CNBD1: variants seen among roughly 807,000 people sequenced by gnomAD.
The protein encoded by CNBD1 is cyclic nucleotide binding domain containing 1.
CNBD1 carries 71 observed loss-of-function variants against 54.4 expected under a neutral mutation model. The observed-to-expected ratio is 1.30, with a 90% CI of 1.08 to 1.59. CNBD1 has a LOEUF of 1.59. Ranked by LOEUF, CNBD1 falls within the 40% of genes most tolerant of loss-of-function variation. The probability of loss-of-function intolerance (pLI) is 0.00; values close to 1 mark genes in which losing one functional copy is unlikely to be tolerated. For missense variants in CNBD1, 659 were observed against 518.0 expected, an observed-to-expected ratio of 1.27 and a Z score of -2.64; for synonymous variants, 182 against 170.7, an observed-to-expected ratio of 1.07 and a Z score of -0.51.
At chr8:87,135,932 CA>C (rs1283260559) in intron 4 of CNBD1, among the ~76,000 whole-genome samples, 1 of 151,970 alleles carries the variant, frequency 6.6e-6, no homozygotes, top group Non-Finnish European at 1.5e-5. Flanking sequence ...AATTAACTAA[CA>C]ATCAATCAAT....
chr8:87,281,098 TG>T (rs1808590120), intron 6 of CNBD1, among the ~76,000 whole-genome samples: 1 of 151,662 alleles, frequency 6.6e-6, no homozygotes, highest in African/African-American at 2.4e-5. Flanking sequence ...GATTATTACC[TG>T]CAGTTTTCGG....
At chr8:86,927,774 T>C (rs190992988) in intron 3 of CNBD1, among the ~76,000 whole-genome samples, 2 of 152,308 alleles carry the variant, frequency 1.3e-5, no homozygotes, top group East Asian at 1.9e-4. Flanking sequence ...TTTTCACTTA[T>C]ATTTTTTAAG....
At chr8:87,425,662 G>A (rs1409553532) in intron 2 of CNBD1, among the ~76,000 whole-genome samples, 1 of 152,078 alleles carries the variant, frequency 6.6e-6, no homozygotes, top group African/African-American at 2.4e-5. Flanking sequence ...CACTTGAGGA[G>A]GCAGTCTGCC....
intron 4 of CNBD1, among the ~76,000 whole-genome samples, chr8:87,055,517 C>T (rs2130629977): frequency 6.6e-6 from 1 of 151,946 alleles, no homozygotes; most frequent in East Asian, 1.9e-4. Flanking sequence ...TCCTGGGAGC[C>T]CACTAATTAC....
At chr8:87,338,780 G>T (rs1256380314) in intron 8 of CNBD1, among the ~76,000 whole-genome samples, 1 of 151,914 alleles carries the variant, frequency 6.6e-6, no homozygotes, top group African/African-American at 2.4e-5. Flanking sequence ...GAAATTTTCA[G>T]TCATGTTAAT....
intron 7 of CNBD1, among the ~76,000 whole-genome samples, 164 bp downstream of exon 7, chr8:87,284,979 GT>G (rs1395569879): frequency 6.6e-6 from 1 of 152,030 alleles, no homozygotes; most frequent in Non-Finnish European, 1.5e-5. Context: ...AAGAGTGCTG[GT>G]GATAGGTAGG....
At chr8:87,244,519 A>G (rs1051840994) in intron 6 of CNBD1, among the ~76,000 whole-genome samples, 6 of 152,142 alleles carry the variant, frequency 3.9e-5, no homozygotes, top group African/African-American at 1.4e-4. Flanking sequence ...TTGTTTAACA[A>G]TATCGTCCTC....
At chr8:87,325,947 G>A (rs1013011769) in intron 8 of CNBD1, among the ~76,000 whole-genome samples, 1 of 112,010 alleles carries the variant, frequency 8.9e-6, no homozygotes, top group Non-Finnish European at 2.0e-5. Context: ...GGTACCGGTT[G>A]TTCCTTTCCA....
intron 6 of CNBD1, among the ~76,000 whole-genome samples, chr8:87,271,797 T>C (rs1262443584): frequency 6.7e-6 from 1 of 149,546 alleles, no homozygotes; most frequent in Non-Finnish European, 1.5e-5. Context: ...CAAAGGGATA[T>C]CCACACTCCT....
intron 10 of CNBD1, among the ~76,000 whole-genome samples, chr8:87,370,062 A>T (rs1233127009): frequency 6.6e-6 from 1 of 151,800 alleles, no homozygotes; most frequent in Non-Finnish European, 1.5e-5. Flanking sequence ...TGAACTCATC[A>T]TTTTTTATGG....
At chr8:87,364,021 T>C (rs577491536) in intron 10 of CNBD1, among the ~76,000 whole-genome samples, 1 of 151,848 alleles carries the variant, frequency 6.6e-6, no homozygotes, top group South Asian at 2.1e-4. Flanking sequence ...TTGACAACCA[T>C]TTGCTGGCTC....
At chr8:86,988,659 T>C (rs1021831840) in intron 4 of CNBD1, among the ~76,000 whole-genome samples, 1 of 152,160 alleles carries the variant, frequency 6.6e-6, no homozygotes, top group Non-Finnish European at 1.5e-5. Flanking sequence ...TCGTATCCTT[T>C]AACCATCCCA....
chr8:87,350,839 A>G (rs1260618884), intron 8 of CNBD1, among the ~76,000 whole-genome samples: 3 of 152,160 alleles, frequency 2.0e-5, no homozygotes, highest in Non-Finnish European at 4.4e-5. Context: ...TATTTAAATC[A>G]TGATGATAAT....
intron 7 of CNBD1, among the ~76,000 whole-genome samples, chr8:87,286,185 T>C (rs1808695414): frequency 1.3e-5 from 2 of 152,342 alleles, no homozygotes; most frequent in African/African-American, 2.4e-5. Context: ...AAAAATTCTT[T>C]ATGTTTTGTT....
intron 1 of CNBD1, among the ~76,000 whole-genome samples, chr8:86,870,189 C>CTTTTTATTTTTTTTT (rs1808422000): frequency 9.9e-6 from 1 of 100,624 alleles, no homozygotes; most frequent in Non-Finnish European, 1.9e-5. Context: ...AGATAGTACT[C>CTTTTTATTTTTTTTT]TTTTTTTTTT....
chr8:86,868,769 A>T (rs1808399588), intron 1 of CNBD1, among the ~76,000 whole-genome samples: 1 of 152,214 alleles, frequency 6.6e-6, no homozygotes, highest in South Asian at 2.1e-4. Flanking sequence ...GGTCCCAGTG[A>T]TATCCATGCC....
intron 8 of CNBD1, among the ~76,000 whole-genome samples, chr8:87,326,127 T>A (rs572412843): frequency 1.5e-5 from 2 of 133,404 alleles, no homozygotes; most frequent in East Asian, 4.0e-4. Context: ...TGTTGAATAT[T>A]GACCCCCACT....
chr8:87,209,991 T>G (rs1381243561), intron 5 of CNBD1, among the ~76,000 whole-genome samples: 2 of 152,148 alleles, frequency 1.3e-5, no homozygotes, highest in Non-Finnish European at 2.9e-5. Context: ...TGAGTTCTCA[T>G]GGGATCTGAT....
At chr8:87,068,938 A>G (rs61576455) in intron 4 of CNBD1, among the ~76,000 whole-genome samples, 1,596 of 152,174 alleles carry the variant, frequency 0.01, 37 homozygotes, top group African/African-American at 0.036. Context: ...ACCTTTTGGT[A>G]CTTCAGTGCC....
Sources: allele counts gnomAD v4.1 joint callset (sites outside exome capture counted in the v4.1 genomes callset), GRCh38; gene constraint gnomAD v4.1.1; transcripts MANE v1.5; gene names NCBI Gene and HGNC (gene_info 2026-07-23, HGNC 2026-07-21).